The following RPL31 variants were observed in gnomAD, a reference collection of about 807,000 sequenced individuals.
The protein encoded by RPL31 is ribosomal protein L31.
For synonymous variants in RPL31, 51 were observed against 55.0 expected, an observed-to-expected ratio of 0.93 and a Z score of 0.32; for missense variants, 95 against 164.0, an observed-to-expected ratio of 0.58 and a Z score of 2.30.
In RPL31 at chr2:101,007,201, A is replaced by G. The variant is rs1226502175; in HGVS notation, c.*820A>G. On this transcript the variant is annotated 3_prime_UTR_variant, in exon 5 of 5. Transcript: ENST00000264258. ...CACAGTCTACAGCTTAAGACACTTA[A>G]CTACAAGGTAAAAGAAAAGGACCAA... is the stretch of plus-strand genomic sequence containing the variant. 1 of 152,496 alleles carries G rather than the reference A, an allele frequency of 6.6e-6. No homozygotes were observed. The highest frequency in any genetic ancestry group is 1.5e-5 in the Non-Finnish European group (1 of 68,272). The allele number at this position is 152,496 out of a possible 1,614,324, so 9.4% of individuals were successfully genotyped here. A position where few individuals can be genotyped will look rare whatever the true frequency, so the allele number is the denominator to read the frequency against.
chr2:101,016,120 A>G (rs1246746269), intron 4 of RPL31, among the ~76,000 whole-genome samples: 2 of 152,202 alleles, frequency 1.3e-5, no homozygotes, highest in Non-Finnish European at 2.9e-5. Flanking sequence ...AGAAACTACC[A>G]TCAGAGTGAA....
chr2:101,005,285 G>A (rs1157694247), intron 3 of RPL31: 1 of 152,662 alleles, frequency 6.6e-6, no homozygotes, highest in Admixed American at 6.5e-5. Flanking sequence ...GAGAAATAGA[G>A]TATGCGCCTG....
downstream of RPL31, chr2:101,008,181 G>T: frequency 1.9e-6 from 3 of 1,613,510 alleles, no homozygotes; most frequent in Non-Finnish European, 2.5e-6. Context: ...GCAGCAGTGT[G>T]GTGACTGTGG....
chr2:101,019,166 CCAGGCCTGTTCTA>C, exon 5 of RPL31: 1 of 1,329,002 alleles, frequency 7.5e-7, no homozygotes, highest in Non-Finnish European at 1.0e-6. Context: ...TGGCAGAGGG[CCAGGCCTGTTCTA>C]CACGGCCGGG....
chr2:101,016,943 G>A (rs368224294), intron 4 of RPL31, among the ~76,000 whole-genome samples: 2 of 151,972 alleles, frequency 1.3e-5, no homozygotes, highest in Admixed American at 1.3e-4. Flanking sequence ...GGGGATGGGG[G>A]AGGGATAGCA....
At chr2:101,009,959 C>G (rs1393952151), downstream of RPL31, among the ~76,000 whole-genome samples, 1 of 151,750 alleles carries the variant, frequency 6.6e-6, no homozygotes, top group Non-Finnish European at 1.5e-5. Flanking sequence ...GTAGCTGGGA[C>G]TACAGGCGCC....
intron 3 of RPL31, chr2:101,004,874 G>T (rs1459790245): frequency 1.3e-5 from 2 of 152,624 alleles, no homozygotes; most frequent in Non-Finnish European, 2.9e-5. Context: ...GAAAGCAGGG[G>T]AGGCTTGTGC....
chr2:101,007,668 G>A (rs909329908), downstream of RPL31: 5 of 744,434 alleles, frequency 6.7e-6, no homozygotes, highest in Non-Finnish European at 1.1e-5. Flanking sequence ...TGAGGGTTGT[G>A]TCGGTTCCCC....
intron 4 of RPL31, among the ~76,000 whole-genome samples, chr2:101,016,899 G>A (rs1360682575): frequency 6.6e-6 from 1 of 150,802 alleles, no homozygotes; most frequent in Non-Finnish European, 1.5e-5. Context: ...ACATGAAGGG[G>A]AACATCACAC....
chr2:101,009,533 ATCTATAGAAAAAAAAAGG>A (rs1355766115), downstream of RPL31, among the ~76,000 whole-genome samples: 1 of 152,030 alleles, frequency 6.6e-6, no homozygotes, highest in Non-Finnish European at 1.5e-5. Context: ...TTGAAACATC[ATCTATAGAAAAAAAAAGG>A]TTATGTGTAT....
intron 4 of RPL31, chr2:101,018,134 A>G (rs1679790458): frequency 3.8e-6 from 2 of 525,366 alleles, no homozygotes; most frequent in Non-Finnish European, 6.8e-6. Context: ...CAGAATAACA[A>G]AGCTTTCCCT....
downstream of RPL31, among the ~76,000 whole-genome samples, chr2:101,009,108 G>A (rs1210021071): frequency 1.3e-5 from 2 of 151,870 alleles, no homozygotes; most frequent in Admixed American, 1.3e-4. Flanking sequence ...AAATGGTTGG[G>A]TATGGCCGGG....
At chr2:101,003,300 A>T (rs923925496) in intron 2 of RPL31, among the ~76,000 whole-genome samples, 1 of 151,402 alleles carries the variant, frequency 6.6e-6, no homozygotes, top group East Asian at 1.9e-4. Flanking sequence ...GTCCAATATC[A>T]CCCTGGCCAT....
chr2:101,011,339 G>T, downstream of RPL31: 5 of 1,107,878 alleles, frequency 4.5e-6, no homozygotes, highest in African/African-American at 1.5e-5. Flanking sequence ...ATAATTCATT[G>T]GACGAAGGGA....
chr2:101,005,663 A>G, intron 3 of RPL31: 1 of 346,572 alleles, frequency 2.9e-6, no homozygotes, highest in Non-Finnish European at 5.2e-6. Flanking sequence ...GGTGATAGAC[A>G]AAAGACTAAC....
chr2:101,007,740 G>A (rs547941017), downstream of RPL31: 33 of 1,424,892 alleles, frequency 2.3e-5, no homozygotes, highest in East Asian at 4.1e-4. Flanking sequence ...CTGAAATCTC[G>A]GTTTAGGGCT....
At chr2:101,007,804 T>G (rs199637281), downstream of RPL31, 96 of 1,609,978 alleles carry the variant, frequency 6.0e-5, no homozygotes, top group African/African-American at 1.1e-3. Context: ...CCAGTGTGCA[T>G]AGCAGCTGCT....
rs1678572045 is a variant in RPL31 at position 101,002,332 on chromosome 2, G to A, written c.-1+17G>A. On this transcript the variant is annotated intron_variant, in intron 1 of 4. Coordinates refer to ENST00000264258, the MANE Select transcript of RPL31 (RefSeq NM_000993.5). Reference sequence around the variant, plus strand: ...CGCTGCAGAGTGAGTATGGGTGGCGGAGTCTGGGCTCCTGGAATCCAGCCC... The same window carrying A: ...CGCTGCAGAGTGAGTATGGGTGGCGAAGTCTGGGCTCCTGGAATCCAGCCC... 1 of 211,158 alleles carries A rather than the reference G, an allele frequency of 4.7e-6. No individual in the cohort carries two copies. The allele number at this position is 211,158 out of a possible 1,614,324, so 13.1% of individuals were successfully genotyped here.
intron 1 of RPL31, 146 bp downstream of exon 1, chr2:101,002,461 T>C (rs2105347102): frequency 1.8e-6 from 1 of 563,178 alleles, no homozygotes; most frequent in East Asian, 3.0e-5. Flanking sequence ...TTTTAAAGGC[T>C]CCCAGAGCCT....
Sources: allele counts gnomAD v4.1 joint callset (sites outside exome capture counted in the v4.1 genomes callset), GRCh38; gene constraint gnomAD v4.1.1; transcripts MANE v1.5; gene names NCBI Gene and HGNC (gene_info 2026-07-23, HGNC 2026-07-21).